CFLAR: variants seen among roughly 807,000 people sequenced by gnomAD.
CFLAR encodes CASP8 and FADD-like apoptosis regulator.
CFLAR carries 14 observed loss-of-function variants against 51.1 expected under a neutral mutation model. That is an observed-to-expected ratio of 0.27 (90% CI 0.18 to 0.43). The LOEUF is 0.43. CFLAR is among the 20% of genes least tolerant of loss of function. CFLAR has a pLI of 1.00. For synonymous variants in CFLAR, 210 were observed against 211.6 expected, an observed-to-expected ratio of 0.99 and a Z score of 0.06; for missense variants, 390 against 566.5, an observed-to-expected ratio of 0.69 and a Z score of 3.16.
Position 201,129,788 on chromosome 2 carries a change from A to C in CFLAR, c.-78A>C. The C allele has an allele frequency of 7.3e-7, 1 of 1,367,436 alleles. No homozygotes were observed. The highest frequency in any genetic ancestry group is 1.0e-6 in the Non-Finnish European group (1 of 986,576). The allele number at this position is 1,367,436 out of a possible 1,614,324, so 84.7% of individuals were successfully genotyped here. A position where few individuals can be genotyped will look rare whatever the true frequency, so the allele number is the denominator to read the frequency against. Reference sequence around the variant, plus strand: ...AAGTCAGCCCTCAGAAATGAAGTTGACTGCCTGCTGGCTTTCTGTTGACTG... The same window carrying C: ...AAGTCAGCCCTCAGAAATGAAGTTGCCTGCCTGCTGGCTTTCTGTTGACTG... On this transcript the variant is annotated 5_prime_UTR_variant, in exon 2 of 10. Coordinates refer to ENST00000309955, the MANE Select transcript of CFLAR (RefSeq NM_003879.7).
chr2:201,143,280 G>T (rs932565943), intron 5 of CFLAR: 1 of 151,786 alleles, frequency 6.6e-6, no homozygotes, highest in Non-Finnish European at 1.5e-5. Context: ...TCGAGAGTTT[G>T]AGACCAACAT....
intron 8 of CFLAR, among the ~76,000 whole-genome samples, chr2:201,157,145 T>A (rs751390229): frequency 2.0e-5 from 3 of 152,186 alleles, no homozygotes; most frequent in South Asian, 2.1e-4. Flanking sequence ...TCTCATTGGA[T>A]CCTCACGGTC....
In CFLAR at chr2:201,149,011, G is replaced by C. The variant is rs756787107; in HGVS notation, c.670G>C (p.Val224Leu). 6.8e-6 allele frequency: 11 copies of C among 1,612,474 alleles called. No individual in the cohort carries two copies. The South Asian group carries it at 8.8e-5, about 13-fold the overall frequency. The change falls in exon 7 of 10, where the codon GTG becomes CTG. Residue 224 changes from valine to leucine, a missense_variant. Around this residue, in one of 2 missense-constraint regions of CFLAR, gnomAD observed 287 missense variants for 363.6 expected, o/e 0.79. Coordinates refer to ENST00000309955, the MANE Select transcript of CFLAR (RefSeq NM_003879.7). ...TCTCTCTCATCCCCCAGAAGAACCAGTGAAGAAATCCATTCAGGAATCAGA... is the reference window on the plus strand; with the variant it reads ...TCTCTCTCATCCCCCAGAAGAACCACTGAAGAAATCCATTCAGGAATCAGA... ...KEQLGAQQEP[V>L]KKSIQESEAF...
intron 8 of CFLAR, among the ~76,000 whole-genome samples, chr2:201,151,985 G>GT (rs113099705): frequency 2.3e-3 from 340 of 146,386 alleles, no homozygotes; most frequent in Admixed American, 4.4e-3. Flanking sequence ...TTTTTTTAAT[G>GT]TTTTTTTTTT....
chr2:201,150,100 C>T (rs902613457), intron 8 of CFLAR: 21 of 203,890 alleles, frequency 1.0e-4, no homozygotes, highest in Middle Eastern at 1.7e-3. Flanking sequence ...CTTTGGGAGG[C>T]GGAGGCGGGC....
intron 9 of CFLAR, chr2:201,163,416 C>G: frequency 8.9e-7 from 1 of 1,120,836 alleles, no homozygotes; most frequent in Non-Finnish European, 1.1e-6. Context: ...TGGGCTGTAC[C>G]TCTGCGTACC....
chr2:201,122,222 A>T (rs2048253618), intron 1 of CFLAR, among the ~76,000 whole-genome samples: 1 of 152,198 alleles, frequency 6.6e-6, no homozygotes, highest in African/African-American at 2.4e-5. Flanking sequence ...TATTCTCCCC[A>T]CTCACAATGA....
rs1251613262 is a variant in CFLAR at position 201,171,285 on chromosome 2, C to T, written c.*7312C>T. ...CATGTAACCAGATACCACCTGTTCC[C>T]CAAACACCTATGGAAATAATTTTGT... On this transcript the variant is annotated 3_prime_UTR_variant, in exon 10 of 10. Transcript: ENST00000309955. The T allele has an allele frequency of 6.6e-6, 1 of 152,076 alleles. No individual in the cohort carries two copies. The highest frequency in any genetic ancestry group is 1.5e-5 in the Non-Finnish European group (1 of 68,018). 9.4% of individuals were successfully genotyped at this position (152,076 alleles called of 1,614,324 possible). A position where few individuals can be genotyped will look rare whatever the true frequency, so the allele number is the denominator to read the frequency against.
rs1382779113 is a variant in CFLAR at position 201,133,112 on chromosome 2, G to A, written c.365G>A (p.Arg122Gln). Residue 122 changes from arginine to glutamine, a missense_variant, in exon 3 of 10, where the codon CGA becomes CAA. Coordinates refer to ENST00000309955, the MANE Select transcript of CFLAR (RefSeq NM_003879.7). ...TTCCTCATGAAGGATTACATGGGCC[G>A]AGGCAAGATAAGCAAGGAGAAGGTG... is the stretch of plus-strand genomic sequence containing the variant. ...LIFLMKDYMG[R>Q]GKISKEKSFL... 5 of 1,613,096 alleles carry A rather than the reference G, an allele frequency of 3.1e-6. No homozygotes were observed. The highest frequency in any genetic ancestry group is 1.1e-5 in the South Asian group (1 of 91,068).
At chr2:201,136,184 C>T in intron 4 of CFLAR, 77 bp downstream of exon 4, 1 of 1,611,706 alleles carries the variant, frequency 6.2e-7, no homozygotes. Flanking sequence ...GATAAATATT[C>T]ATTTGTTGGA....
In CFLAR at chr2:201,164,203, C is replaced by T; in HGVS notation, c.*230C>T. The T allele has an allele frequency of 2.9e-6, 1 of 340,522 alleles. No individual in the cohort carries two copies. The highest frequency in any genetic ancestry group is 5.4e-6 in the Non-Finnish European group (1 of 183,978). 21.1% of individuals were successfully genotyped at this position (340,522 alleles called of 1,614,324 possible). A position where few individuals can be genotyped will look rare whatever the true frequency, so the allele number is the denominator to read the frequency against. ...TCTTTTGAACCCAGGAGTTCAGGGT[C>T]ATAGCATGCTGTGATTGTGCCTACG... On this transcript the variant is annotated 3_prime_UTR_variant, in exon 10 of 10. Coordinates refer to ENST00000309955, the MANE Select transcript of CFLAR (RefSeq NM_003879.7).
intron 6 of CFLAR, chr2:201,147,947 A>G (rs534050601): frequency 2.6e-5 from 4 of 152,256 alleles, no homozygotes; most frequent in Non-Finnish European, 4.4e-5. Context: ...CTGTTCAGCC[A>G]TCATTGAATT....
chr2:201,141,617 C>A (rs1300419323), intron 5 of CFLAR: 3 of 1,311,512 alleles, frequency 2.3e-6, no homozygotes, highest in Admixed American at 7.1e-5. Flanking sequence ...TGTTTTTTTA[C>A]TGAGCTAATT....
At chr2:201,163,392 T>C in intron 9 of CFLAR, 1 of 1,143,448 alleles carries the variant, frequency 8.7e-7, no homozygotes, top group South Asian at 2.4e-5. Flanking sequence ...CTGAGCCACC[T>C]GTCAAATGCA....
Position 201,166,721 on chromosome 2 carries a change from T to A in CFLAR, c.*2748T>A, listed in dbSNP as rs371584827. 157 of 169,170 alleles carry A rather than the reference T, an allele frequency of 9.3e-4. No homozygotes were observed. Among genetic ancestry groups the A allele is most frequent in the African/African-American group, 3.5e-3 (145 of 41,792 alleles). The allele number at this position is 169,170 out of a possible 1,614,324, so 10.5% of individuals were successfully genotyped here. A position where few individuals can be genotyped will look rare whatever the true frequency, so the allele number is the denominator to read the frequency against. ...AGACTCTGCCCGCAATCCCGGCACC[T>A]CGGGAGGCCGAGGCTGGCAGATCAC... is the stretch of plus-strand genomic sequence containing the variant. On this transcript the variant is annotated 3_prime_UTR_variant, in exon 10 of 10. Coordinates refer to ENST00000309955, the MANE Select transcript of CFLAR (RefSeq NM_003879.7).
chr2:201,130,187 G>GGGGGGGGGGGGGGGCC, intron 2 of CFLAR, 41 bp downstream of exon 2: 4 of 292,384 alleles, frequency 1.4e-5, no homozygotes, highest in Admixed American at 4.3e-5. Context: ...GGGTGGGAGG[G>GGGGGGGGGGGGGGGCC]AGTGAAGTGT....
intron 1 of CFLAR, among the ~76,000 whole-genome samples, chr2:201,126,753 G>A (rs2048753753): frequency 6.6e-6 from 1 of 152,164 alleles, no homozygotes; most frequent in South Asian, 2.1e-4. Flanking sequence ...CCTCTCAGCA[G>A]TTTTGTTAGT....
At chr2:201,139,242 G>T (rs537544571) in intron 4 of CFLAR, 25 of 339,932 alleles carry the variant, frequency 7.4e-5, no homozygotes, top group African/African-American at 5.4e-4. Context: ...CAGCGTGCTC[G>T]TTAAGAGTCA....
intron 9 of CFLAR, chr2:201,162,999 G>C: frequency 1.3e-6 from 1 of 749,100 alleles, no homozygotes; most frequent in Admixed American, 1.8e-5. Flanking sequence ...TTTCTAGGGG[G>C]ACAATTCCCG....
Sources: gnomAD v4.1 joint callset for allele counts (sites outside exome capture counted in the v4.1 genomes callset) on GRCh38, gnomAD v4.1.1 for gene constraint, gnomAD v4.1.1 regional missense constraint, MANE v1.5 for transcripts, NCBI Gene and HGNC (gene_info 2026-07-23, HGNC 2026-07-21) for gene names.